Variants in RPS6KC1 observed in about 807,000 individuals in gnomAD.
RPS6KC1 encodes the protein inactive ribosomal protein S6 kinase delta-1.
In RPS6KC1, 54 loss-of-function variants were observed where a neutral mutation model predicts 103.8. The ratio of observed to expected loss-of-function variants is 0.52; its 90% CI spans 0.42 to 0.65. The LOEUF (loss-of-function observed/expected upper bound fraction) is 0.65. Ranked by LOEUF, RPS6KC1 falls within the 30% of genes least tolerant of loss-of-function variation. RPS6KC1 has a pLI of 0.00. For synonymous variants in RPS6KC1, 439 were observed against 438.7 expected (o/e 1.00, Z -0.01); for missense variants, 1,151 against 1,253.8 (o/e 0.92, Z 1.24).
chr1:213,726,040 A>C, the RPS6KC1 span, among the ~76,000 whole-genome samples: 1 of 152,130 alleles, frequency 6.6e-6, no homozygotes, highest in Non-Finnish European at 1.5e-5. Context: ...CATTGACACA[A>C]ACTATCTGTA....
the RPS6KC1 span, among the ~76,000 whole-genome samples, chr1:213,334,398 C>A: frequency 1.2e-4 from 18 of 152,138 alleles, no homozygotes; most frequent in Admixed American, 4.6e-4. Flanking sequence ...AACACTAGGA[C>A]CTCCAGCAGT....
chr1:213,185,510 TGGTG>T (rs2092481092), intron 8 of RPS6KC1, among the ~76,000 whole-genome samples: 1 of 152,014 alleles, frequency 6.6e-6, no homozygotes, highest in Admixed American at 6.5e-5. Context: ...TAGCCAGGCA[TGGTG>T]GTCCATGCCT....
At chr1:213,809,285 A>G in the RPS6KC1 span, among the ~76,000 whole-genome samples, 1 of 152,192 alleles carries the variant, frequency 6.6e-6, no homozygotes, top group Non-Finnish European at 1.5e-5. Flanking sequence ...ACATTTAGTA[A>G]TTAAGTTTGC....
the RPS6KC1 span, among the ~76,000 whole-genome samples, chr1:213,361,347 C>G: frequency 1.3e-5 from 2 of 152,216 alleles, no homozygotes; most frequent in Non-Finnish European, 2.9e-5. Context: ...GGCGTGGGAC[C>G]CTCTGAACCA....
chr1:213,151,181 A>C (rs1226822711), intron 6 of RPS6KC1, among the ~76,000 whole-genome samples: 3 of 108,080 alleles, frequency 2.8e-5, no homozygotes, highest in African/African-American at 7.1e-5. Context: ...TGACCCCCCC[A>C]CCTCCCTCCC....
chr1:213,729,429 C>G, the RPS6KC1 span, among the ~76,000 whole-genome samples: 2 of 152,196 alleles, frequency 1.3e-5, no homozygotes, highest in Non-Finnish European at 2.9e-5. Context: ...GGATCAAGAA[C>G]TGTACCTGCG....
At chr1:213,838,446 G>A in the RPS6KC1 span, among the ~76,000 whole-genome samples, 1 of 152,230 alleles carries the variant, frequency 6.6e-6, no homozygotes, top group East Asian at 1.9e-4. Context: ...GAGCAAAGAA[G>A]TGATGGCTGG....
the RPS6KC1 span, among the ~76,000 whole-genome samples, chr1:213,524,252 A>T: frequency 6.6e-6 from 1 of 152,006 alleles, no homozygotes; most frequent in Non-Finnish European, 1.5e-5. Context: ...TGGGAAAAAA[A>T]TAGTATTGTG....
At chr1:213,547,647 C>A in the RPS6KC1 span, among the ~76,000 whole-genome samples, 1 of 152,226 alleles carries the variant, frequency 6.6e-6, no homozygotes, top group East Asian at 1.9e-4. Flanking sequence ...AATGGTTGTC[C>A]TCTTGGTTGA....
the RPS6KC1 span, among the ~76,000 whole-genome samples, chr1:213,570,442 G>A: frequency 6.6e-6 from 1 of 152,140 alleles, no homozygotes; most frequent in Non-Finnish European, 1.5e-5. Context: ...AACTGAAAAA[G>A]AGACCCATTT....
At chr1:213,659,875 A>G in the RPS6KC1 span, among the ~76,000 whole-genome samples, 34 of 152,222 alleles carry the variant, frequency 2.2e-4, no homozygotes, top group Admixed American at 3.3e-4. Flanking sequence ...AACCTTAGCC[A>G]AGCTATCATC....
At chr1:213,350,753 C>T in the RPS6KC1 span, among the ~76,000 whole-genome samples, 1 of 152,056 alleles carries the variant, frequency 6.6e-6, no homozygotes, top group Non-Finnish European at 1.5e-5. Context: ...ATCTTACCAT[C>T]CAGAGATAAT....
the RPS6KC1 span, among the ~76,000 whole-genome samples, chr1:213,547,952 G>T: frequency 6.6e-6 from 1 of 152,152 alleles, no homozygotes; most frequent in Non-Finnish European, 1.5e-5. Context: ...AGAAATACTG[G>T]TATATATGCA....
At chr1:213,129,398 C>A in intron 5 of RPS6KC1, 129 bp from the exon 6 acceptor site, 2 of 988,264 alleles carry the variant, frequency 2.0e-6, no homozygotes, top group East Asian at 2.5e-5. Context: ...TAGACACTGA[C>A]TTCCATCAGT....
At chr1:213,430,012 G>A in the RPS6KC1 span, among the ~76,000 whole-genome samples, 1 of 152,230 alleles carries the variant, frequency 6.6e-6, no homozygotes, top group South Asian at 2.1e-4. Context: ...CCTGGGGAAA[G>A]TAGCAATCAT....
At chr1:213,811,833 C>G in the RPS6KC1 span, among the ~76,000 whole-genome samples, 2 of 152,118 alleles carry the variant, frequency 1.3e-5, no homozygotes, top group Non-Finnish European at 2.9e-5. Flanking sequence ...AAATGAGGAG[C>G]CATTGAGGGT....
intron 6 of RPS6KC1, among the ~76,000 whole-genome samples, chr1:213,166,901 G>C (rs1258463702): frequency 6.6e-6 from 1 of 152,096 alleles, no homozygotes; most frequent in Non-Finnish European, 1.5e-5. Context: ...GAAAACACTG[G>C]GATTTCTTTC....
chr1:213,167,482 A>ACG (rs1303858161), intron 6 of RPS6KC1, among the ~76,000 whole-genome samples: 39 of 140,258 alleles, frequency 2.8e-4, no homozygotes, highest in South Asian at 7.3e-4. Context: ...ACACACACAC[A>ACG]CACACACAAC....
intron 2 of RPS6KC1, among the ~76,000 whole-genome samples, chr1:213,076,891 CAA>C (rs759498467): frequency 6.1e-5 from 9 of 148,532 alleles, no homozygotes; most frequent in Non-Finnish European, 1.2e-4. Flanking sequence ...TTTTTTGAGA[CAA>C]GAGTCTTACT....
Sources: allele counts gnomAD v4.1 joint callset (sites outside exome capture counted in the v4.1 genomes callset), GRCh38; gene constraint gnomAD v4.1.1; transcripts MANE v1.5; gene names NCBI Gene and HGNC (gene_info 2026-07-23, HGNC 2026-07-21).